Variants in ANKRD28 observed in about 807,000 individuals in gnomAD.
ANKRD28 encodes serine/threonine-protein phosphatase 6 regulatory ankyrin repeat subunit A.
In ANKRD28, 44 loss-of-function variants were observed where a neutral mutation model predicts 126.5. That is an observed-to-expected ratio of 0.35 (90% CI 0.27 to 0.45). The LOEUF (loss-of-function observed/expected upper bound fraction) is 0.45. Among genes scored for constraint, ANKRD28 ranks in the 20% least tolerant of loss-of-function variants. The pLI, the probability that ANKRD28 is intolerant of heterozygous loss-of-function variation, is 1.00. For missense variants in ANKRD28, 1,110 were observed against 1,316.6 expected (o/e 0.84, Z 2.43); for synonymous variants, 442 against 468.5 (o/e 0.94, Z 0.73).
chr3:15,731,350 T>G (rs897361537), intron 6 of ANKRD28, among the ~76,000 whole-genome samples: 1 of 152,212 alleles, frequency 6.6e-6, no homozygotes, highest in Non-Finnish European at 1.5e-5. Flanking sequence ...GTAAAAACAC[T>G]GATGCACTCT....
intron 1 of ANKRD28, among the ~76,000 whole-genome samples, chr3:15,823,995 G>T (rs555858086): frequency 6.6e-6 from 1 of 152,068 alleles, no homozygotes; most frequent in Non-Finnish European, 1.5e-5. Context: ...CAAAGATCAG[G>T]AGAGAGATAA....
chr3:15,710,075 T>C (rs2072032778), intron 12 of ANKRD28, among the ~76,000 whole-genome samples: 2 of 151,070 alleles, frequency 1.3e-5, no homozygotes, highest in Non-Finnish European at 2.9e-5. Context: ...CACTCTATAG[T>C]TTAGGCTAGA....
intron 1 of ANKRD28, among the ~76,000 whole-genome samples, chr3:15,834,827 A>G (rs1306873824): frequency 2.0e-5 from 3 of 152,240 alleles, no homozygotes; most frequent in South Asian, 4.1e-4. Context: ...ATTTTTTAAA[A>G]GTAAAGATCA....
chr3:15,799,713 C>T (rs1181991993), upstream of ANKRD28, among the ~76,000 whole-genome samples: 1 of 151,938 alleles, frequency 6.6e-6, no homozygotes, highest in African/African-American at 2.4e-5. Flanking sequence ...TATCTAGTAC[C>T]TAAGTTCACC....
In ANKRD28 at chr3:15,724,484, A is replaced by G. The variant is rs2074014581; in HGVS notation, c.681T>C (p.Ala227=). The G allele has an allele frequency of 6.3e-7, 1 of 1,591,890 alleles. No individual in the cohort carries two copies. Among genetic ancestry groups the G allele is most frequent in the Non-Finnish European group, 8.6e-7 (1 of 1,168,082 alleles). Residue 227 remains alanine (A), a synonymous_variant, in exon 7 of 28, where the codon GCT becomes GCC. Transcript: ENST00000683139. The stretch of plus-strand genomic sequence containing the variant: ...ACTTTTTATCCTTGCATGTCACTTC[A>G]GCTCCATGCGACACAAGCAATTTCA... ...EVVKLLVSHG[A]EVTCKDKKSY...
rs2061525935 is a variant in ANKRD28 at position 15,846,158 on chromosome 3, C to A, written c.27+13219G>T. ...TCCAAGCCCAAAGTCTCATCTGAGA[C>A]AAGGCAAGTCTCTTCCATCTACGAG... is the stretch of plus-strand genomic sequence containing the variant. On this transcript the variant is annotated intron_variant, in intron 1 of 27. Transcript: ENST00000399451. This position sits in a 1 kb window ranked among gnomAD's most constrained non-coding sequence, Gnocchi z 5.4. 3.3e-5 allele frequency among the ~76,000 whole-genome samples: 5 copies of A among 151,542 alleles called. No homozygotes were observed. The highest frequency in any genetic ancestry group is 7.4e-5 in the Non-Finnish European group (5 of 67,842).
At position 15,795,324 on chromosome 3, in the gene ANKRD28, A is replaced by G. The variant is rs372799870; in HGVS notation, c.118-18T>C. ...AGTGATGGCTAAAATAGAAGAGAGT[A>G]ATAAAAACATTAGAATCATCCATGT... On this transcript the variant is annotated intron_variant, in intron 1 of 27. Transcript: ENST00000683139. 30 of 1,545,774 alleles carry G rather than the reference A, an allele frequency of 1.9e-5. No individual in the cohort carries two copies. Among genetic ancestry groups the G allele is most frequent in the Non-Finnish European group, 2.7e-5 (30 of 1,118,352 alleles).
chr3:15,774,152 A>G (rs1226411278), intron 2 of ANKRD28, among the ~76,000 whole-genome samples: 1 of 152,218 alleles, frequency 6.6e-6, no homozygotes, highest in Non-Finnish European at 1.5e-5. Context: ...CTTAAAAGGA[A>G]TCATAGACCT....
chr3:15,731,545 C>T (rs932923739), intron 6 of ANKRD28, among the ~76,000 whole-genome samples: 1 of 152,142 alleles, frequency 6.6e-6, no homozygotes, highest in African/African-American at 2.4e-5. Flanking sequence ...CTTCAATTAA[C>T]ACAAGAAAAT....
chr3:15,675,821 C>G (rs2066876812), intron 27 of ANKRD28, 77 bp downstream of exon 27: 1 of 1,238,062 alleles, frequency 8.1e-7, no homozygotes, highest in Non-Finnish European at 1.1e-6. Flanking sequence ...AAAAAATATC[C>G]AAGTTTATTT....
chr3:15,772,329 T>A (rs1469512850), intron 2 of ANKRD28, among the ~76,000 whole-genome samples: 1 of 152,096 alleles, frequency 6.6e-6, no homozygotes, highest in East Asian at 1.9e-4. Flanking sequence ...ATAGTCTGTA[T>A]CATAACTAAG....
intron 4 of ANKRD28, among the ~76,000 whole-genome samples, chr3:15,743,032 G>A (rs1175758479): frequency 6.6e-6 from 1 of 152,096 alleles, no homozygotes; most frequent in Non-Finnish European, 1.5e-5. Context: ...TCTGTACTAA[G>A]AAAAATTCTT....
chr3:15,805,826 T>C (rs184630742), intron 1 of ANKRD28, among the ~76,000 whole-genome samples: 1 of 152,324 alleles, frequency 6.6e-6, no homozygotes, highest in Non-Finnish European at 1.5e-5. Context: ...TAAGCAATAA[T>C]TATGTGAGAT....
intron 3 of ANKRD28, 107 bp from the exon 4 acceptor site, chr3:15,751,927 GA>G (rs1183119220): frequency 1.4e-5 from 10 of 692,606 alleles, no homozygotes; most frequent in African/African-American, 9.5e-5. Context: ...AATGACAATT[GA>G]AAAAAAACTT....
chr3:15,788,133 T>C (rs559620735), intron 2 of ANKRD28, among the ~76,000 whole-genome samples: 1 of 152,314 alleles, frequency 6.6e-6, no homozygotes, highest in South Asian at 2.1e-4. Context: ...TTGACATTTT[T>C]ATCTACCAAA....
Position 15,843,647 on chromosome 3 carries a change from G to A in ANKRD28, c.27+15730C>T, listed in dbSNP as rs1214472313. ...GTAGAAATAAAACAATTTACAATAAGGAAAGGTATCAATAAGAAAGCAATG... is the reference window on the plus strand; with the variant it reads ...GTAGAAATAAAACAATTTACAATAAAGAAAGGTATCAATAAGAAAGCAATG... On this transcript the variant is annotated intron_variant, in intron 1 of 27. Coordinates refer to the ANKRD28 transcript ENST00000399451. This position sits in a 1 kb window ranked among gnomAD's most constrained non-coding sequence, Gnocchi z 5.2. Among the ~76,000 whole-genome samples, 1 of 151,392 alleles carries A rather than the reference G, an allele frequency of 6.6e-6. No individual in the cohort carries two copies. The highest frequency in any genetic ancestry group is 1.5e-5 in the Non-Finnish European group (1 of 67,866).
rs138264696 is a variant in ANKRD28 at position 15,726,270 on chromosome 3, G to A, written c.641-1746C>T. ...CTTAGTGAGAAAGGCATGTTGAAAC[G>A]TGAGACAGGCTGAAAGCTAGGCCTC... is the stretch of plus-strand genomic sequence containing the variant. On this transcript the variant is annotated intron_variant, in intron 6 of 27. Transcript: ENST00000683139. 2.0e-5 allele frequency among the ~76,000 whole-genome samples: 3 copies of A among 152,288 alleles called. 1 individual carries two copies. Among genetic ancestry groups the A allele is most frequent in the Non-Finnish European group, 2.9e-5 (2 of 68,018 alleles).
chr3:15,751,066 T>G (rs1331538525), intron 4 of ANKRD28, among the ~76,000 whole-genome samples: 1 of 152,008 alleles, frequency 6.6e-6, no homozygotes, highest in African/African-American at 2.4e-5. Context: ...TTTTGTCTCA[T>G]CTCTATCATT....
intron 17 of ANKRD28, among the ~76,000 whole-genome samples, chr3:15,694,040 G>C (rs558042135): frequency 6.6e-6 from 1 of 152,164 alleles, no homozygotes; most frequent in African/African-American, 2.4e-5. Context: ...CTGGTCTCCT[G>C]ATTCTCAAAG....
Sources: allele counts gnomAD v4.1 joint callset (sites outside exome capture counted in the v4.1 genomes callset), GRCh38; gene constraint gnomAD v4.1.1; non-coding constraint Gnocchi (gnomAD v3.1); transcripts MANE v1.5; gene names NCBI Gene and HGNC (gene_info 2026-07-23, HGNC 2026-07-21).